The following ITGA9 variants were observed in gnomAD, a reference collection of about 807,000 sequenced individuals.
ITGA9 encodes integrin subunit alpha 9, also known as integrin alpha-9.
Under a neutral mutation model 127.8 loss-of-function variants are expected in ITGA9, and 56 were observed. The observed-to-expected ratio is 0.44, with a 90% CI of 0.35 to 0.55. ITGA9 has a LOEUF of 0.55. Among genes scored for constraint, ITGA9 ranks in the 20% least tolerant of loss-of-function variants. The probability of loss-of-function intolerance (pLI) is 0.00; values close to 1 mark genes in which losing one functional copy is unlikely to be tolerated. For missense variants in ITGA9, 1,196 were observed against 1,347.1 expected, an observed-to-expected ratio of 0.89 and a Z score of 1.76; for synonymous variants, 508 against 514.5, an observed-to-expected ratio of 0.99 and a Z score of 0.17.
intron 23 of ITGA9, among the ~76,000 whole-genome samples, chr3:37,755,291 T>G (rs1696637025): frequency 6.6e-6 from 1 of 152,112 alleles, no homozygotes; most frequent in African/African-American, 2.4e-5. Context: ...TGTGCTGAAT[T>G]GCACACTGCT....
chr3:37,455,886 G>A (rs1399565264), intron 1 of ITGA9, among the ~76,000 whole-genome samples: 4 of 152,188 alleles, frequency 2.6e-5, no homozygotes, highest in Admixed American at 6.5e-5. Context: ...AGGGACCTGC[G>A]GGTGTACATC....
At chr3:37,623,106 C>A (rs990002568) in intron 15 of ITGA9, among the ~76,000 whole-genome samples, 2 of 152,060 alleles carry the variant, frequency 1.3e-5, no homozygotes, top group African/African-American at 4.8e-5. Flanking sequence ...AATTAAAAAG[C>A]AAACAACTTC....
chr3:37,514,391 C>T (rs1698963575), intron 9 of ITGA9, among the ~76,000 whole-genome samples: 1 of 152,118 alleles, frequency 6.6e-6, no homozygotes, highest in African/African-American at 2.4e-5. Context: ...CCCAGGGAAG[C>T]AGAGGAGGAC....
At chr3:37,662,537 C>T (rs947591988) in intron 17 of ITGA9, among the ~76,000 whole-genome samples, 1 of 152,154 alleles carries the variant, frequency 6.6e-6, no homozygotes, top group Non-Finnish European at 1.5e-5. Flanking sequence ...GAGTTTGCTC[C>T]TCTCTCCAAC....
chr3:37,461,569 G>C (rs1559512149), intron 1 of ITGA9, among the ~76,000 whole-genome samples: 2 of 152,094 alleles, frequency 1.3e-5, no homozygotes, highest in Admixed American at 6.6e-5. Flanking sequence ...GAGATGCTGA[G>C]TTTTCTTTCA....
At chr3:37,785,472 T>TTTTGG (rs1038049837) in intron 26 of ITGA9, among the ~76,000 whole-genome samples, 10 of 151,924 alleles carry the variant, frequency 6.6e-5, no homozygotes, top group Non-Finnish European at 1.2e-4. Context: ...AAATACTGTG[T>TTTTGG]TTTGGTTTGG....
intron 23 of ITGA9, among the ~76,000 whole-genome samples, chr3:37,759,797 C>T (rs538665987): frequency 1.2e-3 from 178 of 151,668 alleles, no homozygotes; most frequent in Admixed American, 2.4e-3. Context: ...CCCAGCTACT[C>T]GGGAGGCTGA....
chr3:37,506,912 C>T (rs976593447), intron 7 of ITGA9, among the ~76,000 whole-genome samples: 2 of 152,172 alleles, frequency 1.3e-5, no homozygotes, highest in African/African-American at 4.8e-5. Flanking sequence ...GAAGTGGAAT[C>T]TGGATTCTGG....
At chr3:37,515,685 G>A (rs575208211) in intron 9 of ITGA9, among the ~76,000 whole-genome samples, 10 of 152,258 alleles carry the variant, frequency 6.6e-5, no homozygotes, top group Admixed American at 2.6e-4. Context: ...GCAGTGAGCC[G>A]TGATCATGCC....
chr3:37,636,025 C>CT (rs1216290396), intron 16 of ITGA9, among the ~76,000 whole-genome samples: 7 of 151,908 alleles, frequency 4.6e-5, no homozygotes, highest in Admixed American at 4.6e-4. Flanking sequence ...TTAATCCAGT[C>CT]TATCGTTGTT....
chr3:37,647,453 GTT>G (rs58911100), intron 16 of ITGA9, among the ~76,000 whole-genome samples: 3 of 141,658 alleles, frequency 2.1e-5, no homozygotes, highest in Non-Finnish European at 3.1e-5. Flanking sequence ...GCCTAACATA[GTT>G]TTTTTTTTTT....
At chr3:37,669,844 C>T (rs1700620825) in intron 17 of ITGA9, among the ~76,000 whole-genome samples, 1 of 152,052 alleles carries the variant, frequency 6.6e-6, no homozygotes, top group Non-Finnish European at 1.5e-5. Flanking sequence ...CTTTCCAGAC[C>T]CAAGGGAATG....
At chr3:37,688,336 G>C (rs145879991) in intron 18 of ITGA9, among the ~76,000 whole-genome samples, 10 of 152,272 alleles carry the variant, frequency 6.6e-5, no homozygotes, top group African/African-American at 2.4e-4. Context: ...TGAATAAAAA[G>C]TGTGCCACAG....
intron 1 of ITGA9, 86 bp from the exon 2 acceptor site, chr3:37,470,921 C>T (rs1698423691): frequency 1.4e-6 from 2 of 1,406,332 alleles, no homozygotes; most frequent in African/African-American, 2.8e-5. Context: ...TCAGAGAGCC[C>T]ACCCGTGGTT....
intron 2 of ITGA9, among the ~76,000 whole-genome samples, chr3:37,471,654 C>A (rs2125553456): frequency 6.6e-6 from 1 of 152,280 alleles, no homozygotes; most frequent in South Asian, 2.1e-4. Context: ...CAGGCCAGGG[C>A]AATGTGCTGG....
chr3:37,707,329 G>A (rs1293091046), intron 18 of ITGA9, among the ~76,000 whole-genome samples: 1 of 152,154 alleles, frequency 6.6e-6, no homozygotes, highest in East Asian at 1.9e-4. Flanking sequence ...CTGTTTAAGT[G>A]GGTTCTCAGA....
chr3:37,785,443 G>A (rs955242012), intron 26 of ITGA9, among the ~76,000 whole-genome samples: 5 of 152,070 alleles, frequency 3.3e-5, no homozygotes, highest in Non-Finnish European at 5.9e-5. Context: ...TGCCTTACCC[G>A]TCACATTACT....
At chr3:37,471,205 A>G in intron 2 of ITGA9, 71 bp downstream of exon 2, 5 of 1,568,640 alleles carry the variant, frequency 3.2e-6, no homozygotes, top group Non-Finnish European at 4.4e-6. Context: ...TCTTCCCAGG[A>G]TGGCCTGATC....
intron 3 of ITGA9, among the ~76,000 whole-genome samples, chr3:37,480,191 C>G (rs1698537988): frequency 6.6e-6 from 1 of 151,782 alleles, no homozygotes; most frequent in Non-Finnish European, 1.5e-5. Flanking sequence ...TGCACGGGAA[C>G]TGGGGCCACT....
Sources: allele counts gnomAD v4.1 joint callset (sites outside exome capture counted in the v4.1 genomes callset), GRCh38; gene constraint gnomAD v4.1.1; transcripts MANE v1.5; gene names NCBI Gene and HGNC (gene_info 2026-07-23, HGNC 2026-07-21).